PDE1A: variants seen among roughly 807,000 people sequenced by gnomAD.
PDE1A encodes the protein phosphodiesterase 1A.
A neutral mutation model predicts 61.7 loss-of-function variants in PDE1A; 35 were observed. That is an observed-to-expected ratio of 0.57 (90% confidence interval 0.43 to 0.75). PDE1A has a LOEUF of 0.75. PDE1A is among the 30% of genes least tolerant of loss of function. The pLI is 0.00. For missense variants in PDE1A, 597 were observed against 630.6 expected (o/e 0.95, Z 0.57); for synonymous variants, 232 against 213.2 (o/e 1.09, Z -0.77).
At chr2:182,264,366 G>A (rs148985621) in exon 2 of PDE1A, 37 of 1,613,480 alleles carry the variant, frequency 2.3e-5, no homozygotes, top group Middle Eastern at 1.6e-4. Flanking sequence ...TCTTTAAGTC[G>A]ACGACGTTAA....
intron 7 of PDE1A, among the ~76,000 whole-genome samples, chr2:182,211,889 G>GT (rs1010181662): frequency 6.6e-6 from 1 of 152,038 alleles, no homozygotes; most frequent in African/African-American, 2.4e-5. Context: ...AGTTCCAGGA[G>GT]TTTTTTGGTC....
the PDE1A span, among the ~76,000 whole-genome samples, chr2:182,605,391 A>C: frequency 6.6e-6 from 1 of 152,156 alleles, no homozygotes; most frequent in Non-Finnish European, 1.5e-5. Flanking sequence ...CATTCCAGGC[A>C]GAGGTGTCAC....
exon 14 of PDE1A, chr2:182,168,281 G>C (rs1691786464): frequency 2.5e-6 from 4 of 1,584,412 alleles, no homozygotes; most frequent in Non-Finnish European, 3.4e-6. Flanking sequence ...CTGTGAACTG[G>C]TTCTTGCTTC....
chr2:182,527,191 G>A (rs2125996305), upstream of PDE1A, among the ~76,000 whole-genome samples: 1 of 148,288 alleles, frequency 6.7e-6, no homozygotes, highest in Admixed American at 6.7e-5. Context: ...AAGAGGCTGG[G>A]AGCCATGAGT....
chr2:182,619,731 T>C, the PDE1A span, among the ~76,000 whole-genome samples: 3 of 152,056 alleles, frequency 2.0e-5, 1 homozygote, highest in African/African-American at 7.2e-5. Flanking sequence ...TGCCACTGAG[T>C]TTTCATGGTG....
At position 182,399,004 on chromosome 2, in the gene PDE1A, A is replaced by G. The variant is rs148356448; in HGVS notation, c.53+27574T>C. ...TAAAGCAGGATTAATAATAATACCT[A>G]TTGAACTATCCTACTAAATGACATT... On this transcript the variant is annotated intron_variant, in intron 1 of 13. Transcript: ENST00000351439. Among the ~76,000 whole-genome samples the G allele has an allele frequency of 7.9e-5, 12 of 152,114 alleles. No individual in the cohort carries two copies. In the East Asian group the frequency reaches 2.3e-3, roughly 29 times the overall value.
chr2:182,161,457 T>C (rs1691377422), intron 13 of PDE1A, among the ~76,000 whole-genome samples: 1 of 152,144 alleles, frequency 6.6e-6, no homozygotes, highest in Non-Finnish European at 1.5e-5. Flanking sequence ...CCAAGGTGAC[T>C]GTCCTCTCCA....
chr2:182,652,744 CAA>C, the PDE1A span, among the ~76,000 whole-genome samples: 1 of 152,176 alleles, frequency 6.6e-6, no homozygotes, highest in Admixed American at 6.5e-5. Flanking sequence ...ACAAATGCTG[CAA>C]CTGGTACCCA....
chr2:182,172,097 C>T (rs977701726), intron 13 of PDE1A, among the ~76,000 whole-genome samples: 1 of 151,922 alleles, frequency 6.6e-6, no homozygotes, highest in Non-Finnish European at 1.5e-5. Flanking sequence ...ATTTAGTTTG[C>T]CCTTTTGTGA....
the PDE1A span, among the ~76,000 whole-genome samples, chr2:182,620,537 G>A: frequency 1.3e-5 from 2 of 152,132 alleles, no homozygotes; most frequent in African/African-American, 4.8e-5. Context: ...TAAGAACAAG[G>A]ATTTGAAAAA....
chr2:182,559,296 T>A, the PDE1A span, among the ~76,000 whole-genome samples: 1 of 152,074 alleles, frequency 6.6e-6, no homozygotes, highest in Admixed American at 6.5e-5. Context: ...AAATCAGGAA[T>A]AAGCAGTGGC....
At chr2:182,516,182 G>C (rs755913068) in intron 2 of PDE1A, among the ~76,000 whole-genome samples, 8 of 152,188 alleles carry the variant, frequency 5.3e-5, no homozygotes, top group Admixed American at 2.6e-4. Context: ...AGTATCAGCA[G>C]GACTGTATTC....
chr2:182,595,024 C>G, the PDE1A span, among the ~76,000 whole-genome samples: 10 of 152,110 alleles, frequency 6.6e-5, no homozygotes, highest in Admixed American at 2.6e-4. Flanking sequence ...GGTACACATT[C>G]ATATAAAATA....
the PDE1A span, among the ~76,000 whole-genome samples, chr2:182,634,671 C>T: frequency 1.0e-3 from 155 of 152,194 alleles, no homozygotes; most frequent in African/African-American, 3.6e-3. Flanking sequence ...ACATGGGGAG[C>T]ATTATGCGGT....
At chr2:182,261,982 A>G (rs1574182326) in intron 2 of PDE1A, among the ~76,000 whole-genome samples, 1 of 152,272 alleles carries the variant, frequency 6.6e-6, no homozygotes, top group Admixed American at 6.5e-5. Flanking sequence ...CTTGTGAACA[A>G]TAAGAGCACA....
intron 1 of PDE1A, among the ~76,000 whole-genome samples, chr2:182,378,296 A>G (rs536963714): frequency 6.6e-6 from 1 of 152,342 alleles, no homozygotes; most frequent in South Asian, 2.1e-4. Flanking sequence ...AAACTAGGCT[A>G]CTGTAATACA....
chr2:182,305,894 T>C (rs1695551592), intron 1 of PDE1A, among the ~76,000 whole-genome samples: 1 of 152,132 alleles, frequency 6.6e-6, no homozygotes, highest in Non-Finnish European at 1.5e-5. Flanking sequence ...GATAAGAACA[T>C]CTGAAATTTA....
Position 182,195,370 on chromosome 2 carries a change from G to A in PDE1A, c.1125+6069C>T, listed in dbSNP as rs530511315. On this transcript the variant is annotated intron_variant, in intron 10 of 13. Coordinates refer to ENST00000351439, the Ensembl canonical transcript of PDE1A. Reference sequence around the variant, plus strand: ...AAGTAGGCAGGATGGGAAAAGGTAAGAAGGTGTATAGAGACAGGAAGGGGA... The same window carrying A: ...AAGTAGGCAGGATGGGAAAAGGTAAAAAGGTGTATAGAGACAGGAAGGGGA... Among the ~76,000 whole-genome samples the A allele has an allele frequency of 2.7e-3, 405 of 152,176 alleles. 1 individual carries two copies. Among genetic ancestry groups the A allele is most frequent in the African/African-American group, 9.5e-3 (395 of 41,568 alleles).
At chr2:182,664,849 G>A in the PDE1A span, among the ~76,000 whole-genome samples, 2 of 152,138 alleles carry the variant, frequency 1.3e-5, no homozygotes, top group Admixed American at 6.5e-5. Flanking sequence ...TTATTCTAAA[G>A]AGATACGTAA....
Sources: allele counts gnomAD v4.1 joint callset (sites outside exome capture counted in the v4.1 genomes callset), GRCh38; gene constraint gnomAD v4.1.1; transcripts MANE v1.5; gene names NCBI Gene and HGNC (gene_info 2026-07-23, HGNC 2026-07-21).